The following CWF19L2 variants were observed in gnomAD, a reference collection of about 807,000 sequenced individuals.
CWF19L2 encodes CWF19 like cell cycle control factor 2, also known as CWF19-like protein 2.
In CWF19L2, 98 loss-of-function variants were observed where a neutral mutation model predicts 111.7. That is an observed-to-expected ratio of 0.88 (90% CI 0.75 to 1.04). The LOEUF (loss-of-function observed/expected upper bound fraction) is 1.04, where lower values mean the gene tolerates loss of function less well. Ranked by LOEUF, CWF19L2 falls within the 50% of genes least tolerant of loss-of-function variation. CWF19L2 has a pLI of 0.00. For missense variants in CWF19L2, 1,101 were observed against 1,051.4 expected (o/e 1.05, Z -0.65); for synonymous variants, 351 against 342.9 (o/e 1.02, Z -0.26).
chr11:107,411,932 C>T lies in CWF19L2; in HGVS notation c.1617+4277G>A, dbSNP rs144569442. ...TGGCACAATGGTCTCTTAGTCCTAT[C>T]GAATGGAAGTCATTCTAGAGGCCTC... is the stretch of plus-strand genomic sequence containing the variant. On this transcript the variant is annotated intron_variant, in intron 10 of 17. Coordinates refer to ENST00000282251, the MANE Select transcript of CWF19L2 (RefSeq NM_152434.3). Among the ~76,000 whole-genome samples the T allele has an allele frequency of 4.3e-3, 660 of 152,260 alleles. 8 individuals carry two copies. Among genetic ancestry groups the T allele is most frequent in the African/African-American group, 0.015 (639 of 41,544 alleles).
In CWF19L2 at chr11:107,373,410, G is replaced by C. The variant is rs924174730; in HGVS notation, c.1872+16664C>G. ...AAGACAGCAGTGGTTCTCCCAGCAC[G>C]CAGCTGAAGATCTGAGAACGGGCAG... On this transcript the variant is annotated intron_variant, in intron 12 of 17. Coordinates refer to ENST00000282251, the MANE Select transcript of CWF19L2 (RefSeq NM_152434.3). Among the ~76,000 whole-genome samples the C allele has an allele frequency of 2.2e-5, 3 of 135,658 alleles. 1 individual carries two copies. The highest frequency in any genetic ancestry group is 2.2e-4 in the Admixed American group (3 of 13,924). 89.0% of individuals were successfully genotyped at this position (135,658 alleles called of 152,430 possible).
chr11:107,360,267 T>C (rs1591161836), intron 12 of CWF19L2, among the ~76,000 whole-genome samples: 2 of 152,206 alleles, frequency 1.3e-5, no homozygotes, highest in African/African-American at 4.8e-5. Flanking sequence ...CAGATTCATT[T>C]ATGTTGCAGC....
intron 8 of CWF19L2, among the ~76,000 whole-genome samples, chr11:107,421,393 T>C (rs973185841): frequency 6.6e-6 from 1 of 151,712 alleles, no homozygotes; most frequent in African/African-American, 2.4e-5. Context: ...CAAAAAACAA[T>C]AAAAATCAGA....
At chr11:107,346,967 A>G (rs576253295) in intron 14 of CWF19L2, among the ~76,000 whole-genome samples, 12 of 152,270 alleles carry the variant, frequency 7.9e-5, no homozygotes, top group Non-Finnish European at 1.6e-4. Context: ...ATCACTCCAC[A>G]TTGAAGTTCA....
At chr11:107,358,298 TG>T (rs1384910312) in intron 12 of CWF19L2, among the ~76,000 whole-genome samples, 1 of 151,698 alleles carries the variant, frequency 6.6e-6, no homozygotes, top group Admixed American at 6.6e-5. Context: ...AGAACCATCT[TG>T]GGCCCCACAT....
chr11:107,372,964 T>C (rs372770446), intron 12 of CWF19L2, among the ~76,000 whole-genome samples: 11,425 of 101,950 alleles, frequency 0.11, 1,848 homozygotes, highest in African/African-American at 0.3. Context: ...ACTTGGGAAG[T>C]GCAAGGGGTC....
intron 16 of CWF19L2, among the ~76,000 whole-genome samples, chr11:107,330,899 T>C (rs1336644072): frequency 6.6e-6 from 1 of 152,124 alleles, no homozygotes; most frequent in African/African-American, 2.4e-5. Flanking sequence ...ATGGTCCTAC[T>C]TAACCATACA....
chr11:107,375,362 T>C (rs1860582669), intron 12 of CWF19L2, among the ~76,000 whole-genome samples: 1 of 137,196 alleles, frequency 7.3e-6, no homozygotes, highest in African/African-American at 2.9e-5. Flanking sequence ...ATTGACCACA[T>C]ACTTGGAAGT....
At chr11:107,420,966 C>A (rs928915865) in intron 8 of CWF19L2, among the ~76,000 whole-genome samples, 4 of 152,000 alleles carry the variant, frequency 2.6e-5, no homozygotes, top group Non-Finnish European at 4.4e-5. Flanking sequence ...ATCCATAGAA[C>A]ACACCACCCA....
In CWF19L2 at chr11:107,327,099, T is replaced by C. The variant is rs75977891; in HGVS notation, c.2542-46A>G. Reference sequence around the variant, plus strand: ...CACAAACACAAGCATGTATAAATAATGAAAACAGAAATGAAACTATTTCTG... The same window carrying C: ...CACAAACACAAGCATGTATAAATAACGAAAACAGAAATGAAACTATTTCTG... On this transcript the variant is annotated intron_variant, in intron 17 of 17. Coordinates refer to ENST00000282251, the MANE Select transcript of CWF19L2 (RefSeq NM_152434.3). The C allele has an allele frequency of 5.9e-5, 87 of 1,482,846 alleles. No homozygotes were observed. In the East Asian group the frequency reaches 1.5e-3, roughly 25 times the overall value. 91.9% of individuals were successfully genotyped at this position (1,482,846 alleles called of 1,614,324 possible).
chr11:107,390,028 T>A, intron 12 of CWF19L2, 46 bp downstream of exon 12: 1 of 1,551,432 alleles, frequency 6.4e-7, no homozygotes, highest in Non-Finnish European at 8.9e-7. Flanking sequence ...TTACACTGAA[T>A]AATCAGCTTC....
chr11:107,362,557 G>A (rs2134560141), intron 12 of CWF19L2, among the ~76,000 whole-genome samples: 1 of 152,110 alleles, frequency 6.6e-6, no homozygotes, highest in Non-Finnish European at 1.5e-5. Flanking sequence ...CCCCCAGGAG[G>A]GGCAGACTGA....
chr11:107,441,444 G>C (rs1861616815), intron 5 of CWF19L2, 59 bp downstream of exon 5: 1 of 1,364,680 alleles, frequency 7.3e-7, no homozygotes, highest in African/African-American at 1.5e-5. Context: ...TTATATAAAT[G>C]TCTTGTAAGT....
At position 107,367,083 on chromosome 11, in the gene CWF19L2, T is replaced by C. The variant is rs1332678252; in HGVS notation, c.1873-13347A>G. ...CAAAAAACACATGAAAAAATGCTCA[T>C]CATCACTGGCCATCAGAGAAATGCA... On this transcript the variant is annotated intron_variant, in intron 12 of 17. Transcript: ENST00000282251. Among the ~76,000 whole-genome samples, 354 of 115,364 alleles carry C rather than the reference T, an allele frequency of 3.1e-3. 29 individuals carry two copies. Among genetic ancestry groups the C allele is most frequent in the Admixed American group, 5.9e-3 (67 of 11,396 alleles). 75.7% of individuals were successfully genotyped at this position (115,364 alleles called of 152,430 possible). A position where few individuals can be genotyped will look rare whatever the true frequency, so the allele number is the denominator to read the frequency against.
chr11:107,392,602 T>C (rs975703928), intron 11 of CWF19L2, among the ~76,000 whole-genome samples, 177 bp downstream of exon 11: 5 of 152,206 alleles, frequency 3.3e-5, no homozygotes, highest in African/African-American at 1.2e-4. Context: ...GTTTCCATTC[T>C]GTAAAAGGCA....
At chr11:107,383,364 G>T (rs192246813) in intron 12 of CWF19L2, among the ~76,000 whole-genome samples, 1 of 152,006 alleles carries the variant, frequency 6.6e-6, no homozygotes, top group African/African-American at 2.4e-5. Context: ...TCCACTGCTC[G>T]GTGCGTGGAG....
intron 9 of CWF19L2, 34 bp from the exon 10 acceptor site, chr11:107,416,332 T>C (rs769602879): frequency 1.0e-6 from 1 of 954,110 alleles, no homozygotes; most frequent in South Asian, 1.8e-5. Flanking sequence ...ATATGTGCGA[T>C]ATGTAGTTTA....
intron 12 of CWF19L2, among the ~76,000 whole-genome samples, chr11:107,361,230 T>C (rs370345518): frequency 2.0e-5 from 3 of 152,268 alleles, no homozygotes; most frequent in Non-Finnish European, 2.9e-5. Context: ...CCGGTGTATG[T>C]TCGTGTCAAC....
intron 3 of CWF19L2, among the ~76,000 whole-genome samples, chr11:107,448,275 G>A (rs1029656063): frequency 1.3e-5 from 2 of 149,040 alleles, no homozygotes; most frequent in Non-Finnish European, 1.5e-5. Flanking sequence ...AACCCAGGAG[G>A]CGGAGGTTGC....
Sources: gnomAD v4.1 joint callset for allele counts (sites outside exome capture counted in the v4.1 genomes callset) on GRCh38, gnomAD v4.1.1 for gene constraint, MANE v1.5 for transcripts, NCBI Gene and HGNC (gene_info 2026-07-23, HGNC 2026-07-21) for gene names.